Variants in ULK4 observed in about 807,000 individuals in gnomAD.
The protein encoded by ULK4 is inactive serine/threonine-protein kinase ULK4.
In ULK4, 133 loss-of-function variants were observed where a neutral mutation model predicts 160.6. The ratio of observed to expected loss-of-function variants is 0.83; its 90% CI spans 0.72 to 0.96. The LOEUF is 0.96. Ranked by LOEUF, ULK4 falls within the 40% of genes least tolerant of loss-of-function variation. ULK4 has a pLI of 0.00. For synonymous variants in ULK4, 534 were observed against 539.8 expected (o/e 0.99, Z 0.15); for missense variants, 1,580 against 1,499.5 (o/e 1.05, Z -0.89).
At chr3:41,910,868 T>G (rs1698760234) in intron 11 of ULK4, among the ~76,000 whole-genome samples, 1 of 151,706 alleles carries the variant, frequency 6.6e-6, no homozygotes. Flanking sequence ...GAGGCTAAAG[T>G]GGCAAGATCA....
At chr3:41,683,372 T>C (rs1312706057) in intron 27 of ULK4, among the ~76,000 whole-genome samples, 1 of 151,974 alleles carries the variant, frequency 6.6e-6, no homozygotes, top group Non-Finnish European at 1.5e-5. Flanking sequence ...AACATATTCA[T>C]TCAGGGCTTG....
At chr3:41,709,677 G>C (rs2037023777) in intron 25 of ULK4, among the ~76,000 whole-genome samples, 2 of 152,140 alleles carry the variant, frequency 1.3e-5, no homozygotes, top group African/African-American at 4.8e-5. Context: ...GAGCCACCAT[G>C]CCTGGCCGAG....
chr3:41,333,721 G>T (rs1349660950), intron 35 of ULK4, among the ~76,000 whole-genome samples: 1 of 152,118 alleles, frequency 6.6e-6, no homozygotes, highest in Admixed American at 6.6e-5. Flanking sequence ...ATATAGACAG[G>T]GCTGGGATGC....
intron 32 of ULK4, among the ~76,000 whole-genome samples, chr3:41,522,409 G>A (rs897862400): frequency 6.6e-6 from 1 of 151,788 alleles, no homozygotes; most frequent in African/African-American, 2.4e-5. Context: ...CAAAGTGCTG[G>A]GATTTCAGGC....
chr3:41,775,968 T>C (rs1200455179), intron 21 of ULK4, among the ~76,000 whole-genome samples: 2 of 151,000 alleles, frequency 1.3e-5, no homozygotes, highest in Non-Finnish European at 2.9e-5. Context: ...CTGCAAACAC[T>C]ACTGTGATAA....
chr3:41,576,391 G>A lies in ULK4; in HGVS notation c.3121-10261C>T, dbSNP rs370623411. Among the ~76,000 whole-genome samples, 5 of 152,308 alleles carry A rather than the reference G, an allele frequency of 3.3e-5. No homozygotes were observed. In the East Asian group the frequency reaches 7.7e-4, roughly 24 times the overall value. ...TGGTTAATCCCATCCCTCACCCAATGCTGAGTGCCTTGAGGGCACGACTGA... is the reference window on the plus strand; with the variant it reads ...TGGTTAATCCCATCCCTCACCCAATACTGAGTGCCTTGAGGGCACGACTGA... On this transcript the variant is annotated intron_variant, in intron 31 of 36. Coordinates refer to ENST00000301831, the MANE Select transcript of ULK4 (RefSeq NM_017886.4).
At chr3:41,865,262 C>A in intron 17 of ULK4, among the ~76,000 whole-genome samples, 1 of 100,126 alleles carries the variant, frequency 1.0e-5, no homozygotes. Context: ...CAGAGCAAGA[C>A]TCTGTCTTTA....
At chr3:41,753,526 G>A (rs1394542502) in intron 22 of ULK4, among the ~76,000 whole-genome samples, 1 of 152,186 alleles carries the variant, frequency 6.6e-6, no homozygotes, top group African/African-American at 2.4e-5. Flanking sequence ...AAGCAAACTT[G>A]AGGAGCATCT....
intron 34 of ULK4, among the ~76,000 whole-genome samples, chr3:41,418,033 C>T (rs2082568974): frequency 1.3e-5 from 2 of 152,090 alleles, no homozygotes; most frequent in Non-Finnish European, 2.9e-5. Flanking sequence ...TCTAACAAGC[C>T]TTGTTAAATT....
intron 35 of ULK4, among the ~76,000 whole-genome samples, chr3:41,319,332 A>C (rs975398135): frequency 6.6e-6 from 1 of 152,192 alleles, no homozygotes; most frequent in Non-Finnish European, 1.5e-5. Flanking sequence ...AGCTGTTAGG[A>C]TGCCTTGTTT....
At chr3:41,839,962 T>C (rs949106418) in intron 17 of ULK4, among the ~76,000 whole-genome samples, 13 of 152,190 alleles carry the variant, frequency 8.5e-5, no homozygotes, top group Non-Finnish European at 1.2e-4. Flanking sequence ...ACTATGTTCA[T>C]AGATAGGAAG....
At chr3:41,347,154 G>A (rs17056051) in intron 35 of ULK4, among the ~76,000 whole-genome samples, 47 of 152,098 alleles carry the variant, frequency 3.1e-4, no homozygotes, top group Non-Finnish European at 5.9e-4. Context: ...AAGTGCCGTC[G>A]CTGCAGCTCT....
chr3:41,655,157 T>A (rs1177304748), intron 30 of ULK4, among the ~76,000 whole-genome samples: 1 of 150,642 alleles, frequency 6.6e-6, no homozygotes, highest in Non-Finnish European at 1.5e-5. Flanking sequence ...AAAAAAAAAA[T>A]CGTTTAAATT....
At chr3:41,500,961 A>C (rs897478423) in intron 32 of ULK4, among the ~76,000 whole-genome samples, 1 of 152,142 alleles carries the variant, frequency 6.6e-6, no homozygotes, top group Non-Finnish European at 1.5e-5. Flanking sequence ...AGGTTTATAC[A>C]TTGTTTTAAG....
At chr3:41,515,691 G>A (rs1341018748) in intron 32 of ULK4, among the ~76,000 whole-genome samples, 1 of 152,130 alleles carries the variant, frequency 6.6e-6, no homozygotes, top group African/African-American at 2.4e-5. Flanking sequence ...CAGATCTCAT[G>A]AGACGCACTC....
At chr3:41,858,294 G>A (rs1013759123) in intron 17 of ULK4, among the ~76,000 whole-genome samples, 4 of 151,398 alleles carry the variant, frequency 2.6e-5, no homozygotes, top group African/African-American at 9.7e-5. Flanking sequence ...TGGAATTACA[G>A]GCGCCTGCCA....
chr3:41,514,087 T>C (rs2085673543), intron 32 of ULK4, among the ~76,000 whole-genome samples: 1 of 152,174 alleles, frequency 6.6e-6, no homozygotes, highest in African/African-American at 2.4e-5. Flanking sequence ...TATCCTGAAC[T>C]AGATACCTAA....
At chr3:41,818,059 T>C (rs1020457520) in intron 19 of ULK4, among the ~76,000 whole-genome samples, 19 of 151,326 alleles carry the variant, frequency 1.3e-4, no homozygotes, top group South Asian at 4.2e-4. Flanking sequence ...TTCCATACCG[T>C]TGGTGGGAAT....
At chr3:41,247,037 G>A in intron 36 of ULK4, 45 bp from the exon 37 acceptor site, 1 of 1,583,514 alleles carries the variant, frequency 6.3e-7, no homozygotes, top group Non-Finnish European at 8.6e-7. Context: ...GCATCTCTAA[G>A]GTAAAGTGCT....
Sources: allele counts gnomAD v4.1 joint callset (sites outside exome capture counted in the v4.1 genomes callset), GRCh38; gene constraint gnomAD v4.1.1; transcripts MANE v1.5; gene names NCBI Gene and HGNC (gene_info 2026-07-23, HGNC 2026-07-21).